Variants in TUT4 observed in about 807,000 individuals in gnomAD.
TUT4 encodes the protein terminal uridylyltransferase 4.
In TUT4, 36 loss-of-function variants were observed where a neutral mutation model predicts 192.2. The observed-to-expected ratio is 0.19, with a 90% CI of 0.14 to 0.25. TUT4 has a LOEUF of 0.25. Ranked by LOEUF, TUT4 falls within the 10% of genes least tolerant of loss-of-function variation. The pLI is 1.00. For missense variants in TUT4, 1,493 were observed against 1,957.2 expected, an observed-to-expected ratio of 0.76 and a Z score of 4.47; for synonymous variants, 618 against 666.0, an observed-to-expected ratio of 0.93 and a Z score of 1.11.
At position 52,454,847 on chromosome 1, in the gene TUT4, CAAAG is replaced by C. The variant is rs1399042581; in HGVS notation, c.3435+3485_3435+3488del. Among the ~76,000 whole-genome samples, 4 of 152,224 alleles carry C rather than the reference CAAAG, an allele frequency of 2.6e-5. No homozygotes were observed. The South Asian group carries it at 8.3e-4, about 32-fold the overall frequency. On this transcript the variant is annotated intron_variant, in intron 20 of 29. Coordinates refer to ENST00000257177, the MANE Select transcript of TUT4 (RefSeq NM_001009881.3). ...ATAAAGGACTATTATTCAAAATACA[CAAAG>C]AACTCCTTAAACTCAACAGTAAGAA...
At chr1:52,497,206 CAAT>C (rs1046881035) in intron 4 of TUT4, 23 bp from the exon 5 acceptor site, 2 of 1,547,502 alleles carry the variant, frequency 1.3e-6, no homozygotes, top group South Asian at 2.5e-5. Context: ...TGATTCACAA[CAAT>C]AAAAACAAAA....
At chr1:52,443,546 G>A (rs930413619) in intron 24 of TUT4, among the ~76,000 whole-genome samples, 2 of 151,876 alleles carry the variant, frequency 1.3e-5, no homozygotes, top group Non-Finnish European at 1.5e-5. Flanking sequence ...CCGAGATCGC[G>A]CCATTGCACT....
chr1:52,426,993 T>C (rs1056017138), intron 28 of TUT4, among the ~76,000 whole-genome samples: 1 of 152,164 alleles, frequency 6.6e-6, no homozygotes, highest in Admixed American at 6.5e-5. Context: ...CAATTATGAA[T>C]TGAGTATCTA....
chr1:52,529,103 CTTCT>C (rs1249047676), intron 1 of TUT4, among the ~76,000 whole-genome samples: 48 of 152,010 alleles, frequency 3.2e-4, no homozygotes, highest in Admixed American at 2.6e-3. Flanking sequence ...GTATTAGGTT[CTTCT>C]TTCTAAATTA....
At chr1:52,447,782 A>G (rs1658008514) in intron 20 of TUT4, among the ~76,000 whole-genome samples, 2 of 152,204 alleles carry the variant, frequency 1.3e-5, no homozygotes, top group Admixed American at 6.5e-5. Context: ...TCATCTCCCT[A>G]AGTGCTCACT....
At chr1:52,490,448 C>T (rs557801805) in intron 8 of TUT4, among the ~76,000 whole-genome samples, 1 of 151,674 alleles carries the variant, frequency 6.6e-6, no homozygotes, top group Non-Finnish European at 1.5e-5. Context: ...CAAAGTAGTA[C>T]CTGCATATAA....
At chr1:52,531,702 T>C (rs1345567661) in intron 1 of TUT4, among the ~76,000 whole-genome samples, 2 of 152,136 alleles carry the variant, frequency 1.3e-5, no homozygotes, top group East Asian at 3.8e-4. Context: ...ACAATATAAC[T>C]AGGAAATGTC....
chr1:52,529,022 T>A (rs2149491862), intron 1 of TUT4, among the ~76,000 whole-genome samples: 1 of 152,238 alleles, frequency 6.6e-6, no homozygotes, highest in Admixed American at 6.5e-5. Flanking sequence ...CAATAATTCT[T>A]CTTTATAGTG....
At chr1:52,486,113 A>G (rs1335961276) in intron 9 of TUT4, among the ~76,000 whole-genome samples, 1 of 152,172 alleles carries the variant, frequency 6.6e-6, no homozygotes, top group African/African-American at 2.4e-5. Context: ...CAACTTAACC[A>G]AAAATTCCTT....
At chr1:52,426,538 CG>C (rs1302416836) in intron 28 of TUT4, among the ~76,000 whole-genome samples, 1 of 151,784 alleles carries the variant, frequency 6.6e-6, no homozygotes, top group African/African-American at 2.4e-5. Flanking sequence ...AAATTAAGTA[CG>C]GGATAGGAAA....
intron 14 of TUT4, among the ~76,000 whole-genome samples, chr1:52,471,620 T>G (rs1030940610): frequency 6.6e-6 from 1 of 152,168 alleles, no homozygotes; most frequent in African/African-American, 2.4e-5. Flanking sequence ...GTACTTGAGA[T>G]ATGTCTAGTA....
At chr1:52,531,463 CG>C (rs1683397950) in intron 1 of TUT4, among the ~76,000 whole-genome samples, 1 of 152,026 alleles carries the variant, frequency 6.6e-6, no homozygotes, top group Non-Finnish European at 1.5e-5. Context: ...CAATCTGATT[CG>C]TGTCAGTCTC....
intron 2 of TUT4, among the ~76,000 whole-genome samples, chr1:52,521,831 G>A (rs1311119381): frequency 6.6e-6 from 1 of 152,064 alleles, no homozygotes; most frequent in Non-Finnish European, 1.5e-5. Flanking sequence ...AGGTGTGGTG[G>A]CATGCACCTG....
intron 1 of TUT4, among the ~76,000 whole-genome samples, chr1:52,552,331 G>A (rs1361447087): frequency 6.6e-6 from 1 of 152,096 alleles, no homozygotes; most frequent in African/African-American, 2.4e-5. Context: ...AGTTACCCAC[G>A]TCAAAACCGC....
intron 25 of TUT4, 89 bp downstream of exon 25, chr1:52,438,131 T>A: frequency 9.7e-7 from 1 of 1,032,748 alleles, no homozygotes; most frequent in South Asian, 1.5e-5. Flanking sequence ...CTAAACTTTC[T>A]CAGTTAAACA....
intron 3 of TUT4, among the ~76,000 whole-genome samples, chr1:52,509,935 C>T (rs1183035753): frequency 6.6e-6 from 1 of 152,094 alleles, no homozygotes; most frequent in Non-Finnish European, 1.5e-5. Context: ...TACATACTAA[C>T]TTTAATACGA....
At chr1:52,489,115 T>C in intron 8 of TUT4, 80 bp from the exon 9 acceptor site, 4 of 1,412,784 alleles carry the variant, frequency 2.8e-6, no homozygotes, top group Non-Finnish European at 3.7e-6. Context: ...GCTATTTTCT[T>C]TCTAGTTATC....
chr1:52,442,545 T>C (rs764870159), intron 24 of TUT4, among the ~76,000 whole-genome samples: 1 of 152,156 alleles, frequency 6.6e-6, no homozygotes, highest in African/African-American at 2.4e-5. Flanking sequence ...TTTGGAATAC[T>C]TGCATTACAT....
intron 2 of TUT4, among the ~76,000 whole-genome samples, chr1:52,520,743 A>G (rs1680022401): frequency 2.0e-5 from 3 of 151,776 alleles, no homozygotes; most frequent in Non-Finnish European, 4.4e-5. Flanking sequence ...TTCCTATTTC[A>G]TTTTTCTCAA....
Sources: allele counts gnomAD v4.1 joint callset (sites outside exome capture counted in the v4.1 genomes callset), GRCh38; gene constraint gnomAD v4.1.1; transcripts MANE v1.5; gene names NCBI Gene and HGNC (gene_info 2026-07-23, HGNC 2026-07-21).